Variants in PRKN observed in about 807,000 individuals in gnomAD.
The protein encoded by PRKN is parkin RBR E3 ubiquitin protein ligase, also known as E3 ubiquitin-protein ligase parkin.
PRKN carries 56 observed loss-of-function variants against 59.5 expected under a neutral mutation model. The observed-to-expected ratio is 0.94, with a 90% confidence interval of 0.76 to 1.18. The LOEUF is 1.18. Among genes scored for constraint, PRKN ranks in the 50% most tolerant of loss-of-function variants. The pLI, the probability that PRKN is intolerant of heterozygous loss-of-function variation, is 0.00. For synonymous variants in PRKN, 250 were observed against 222.1 expected (o/e 1.13, Z -1.12); for missense variants, 657 against 596.4 (o/e 1.10, Z -1.06).
rs546375564 is a variant in PRKN at position 162,407,441 on chromosome 6, GAT to G, written c.171+35867_171+35868del. ...ATGTAATATAGTAATTAAGTGTGCT[GAT>G]ATGTTATCATTGCAAATGTCAAGTT... is the stretch of plus-strand genomic sequence containing the variant. On this transcript the variant is annotated intron_variant, in intron 2 of 11. Coordinates refer to ENST00000366898, the MANE Select transcript of PRKN (RefSeq NM_004562.3). Among the ~76,000 whole-genome samples, 4 of 152,300 alleles carry G rather than the reference GAT, an allele frequency of 2.6e-5. No individual in the cohort carries two copies. The South Asian group carries it at 8.3e-4, about 32-fold the overall frequency.
Position 161,937,686 on chromosome 6 carries a change from T to C in PRKN, c.734+35616A>G, listed in dbSNP as rs1253878420. Among the ~76,000 whole-genome samples the C allele has an allele frequency of 2.0e-5, 3 of 152,366 alleles. No individual in the cohort carries two copies. The South Asian group carries it at 6.2e-4, about 32-fold the overall frequency. On this transcript the variant is annotated intron_variant, in intron 6 of 11. Transcript: ENST00000366898. ...AACTCTTTTTAGTGAAATCAGATTA[T>C]TAATCTAAGATCCAGCAGGAGAAGA...
intron 6 of PRKN, among the ~76,000 whole-genome samples, chr6:161,844,499 T>C (rs1328643602): frequency 6.6e-6 from 1 of 152,228 alleles, no homozygotes; most frequent in Non-Finnish European, 1.5e-5. Context: ...GTCGTGGCAA[T>C]GTTCTGTATC....
chr6:161,426,676 C>CACACACACACACACACATAT (rs11271613), intron 9 of PRKN, among the ~76,000 whole-genome samples: 26 of 142,678 alleles, frequency 1.8e-4, no homozygotes, highest in African/African-American at 7.1e-4. Flanking sequence ...CACACACACA[C>CACACACACACACACACATAT]CTCCTATTAG....
chr6:161,438,547 G>A (rs758208240), intron 9 of PRKN, among the ~76,000 whole-genome samples: 1 of 152,066 alleles, frequency 6.6e-6, no homozygotes, highest in Admixed American at 6.6e-5. Flanking sequence ...ACAGCATGTA[G>A]GGCAGAAGAC....
chr6:161,785,479 A>G (rs1269657853), intron 7 of PRKN, among the ~76,000 whole-genome samples: 1 of 152,222 alleles, frequency 6.6e-6, no homozygotes, highest in East Asian at 1.9e-4. Flanking sequence ...AATCTAGAAC[A>G]TGGAGAGTGA....
chr6:162,159,406 G>A (rs1782663104), intron 4 of PRKN, among the ~76,000 whole-genome samples: 1 of 152,128 alleles, frequency 6.6e-6, no homozygotes, highest in Non-Finnish European at 1.5e-5. Flanking sequence ...TCTACTTAGG[G>A]ACAAGACCTA....
intron 1 of PRKN, among the ~76,000 whole-genome samples, chr6:162,583,449 C>G (rs1232905920): frequency 1.3e-5 from 2 of 152,130 alleles, no homozygotes; most frequent in Non-Finnish European, 2.9e-5. Flanking sequence ...GATAAACAAA[C>G]AAAACTCCAC....
intron 7 of PRKN, among the ~76,000 whole-genome samples, chr6:161,780,054 G>A (rs981508943): frequency 3.3e-5 from 5 of 152,174 alleles, no homozygotes; most frequent in African/African-American, 1.2e-4. Context: ...TACATTGCGT[G>A]CCTACTGTCT....
At chr6:162,392,819 T>C (rs1787270345) in intron 2 of PRKN, among the ~76,000 whole-genome samples, 1 of 152,192 alleles carries the variant, frequency 6.6e-6, no homozygotes, top group East Asian at 1.9e-4. Flanking sequence ...TGCTCTTTAT[T>C]TCTATTACCT....
intron 5 of PRKN, among the ~76,000 whole-genome samples, chr6:161,991,617 G>A (rs1040030515): frequency 1.3e-5 from 2 of 151,712 alleles, no homozygotes; most frequent in African/African-American, 4.8e-5. Context: ...CGAGGCGGGC[G>A]GGTCACCTGA....
chr6:162,364,276 C>T (rs1404584011), intron 2 of PRKN, among the ~76,000 whole-genome samples: 7 of 152,004 alleles, frequency 4.6e-5, no homozygotes, highest in Non-Finnish European at 1.0e-4. Flanking sequence ...AAAATAATAC[C>T]CAAATAATTA....
chr6:162,339,525 GC>G, intron 2 of PRKN, among the ~76,000 whole-genome samples: 1 of 124,418 alleles, frequency 8.0e-6, no homozygotes, highest in Non-Finnish European at 1.9e-5. Context: ...GGGGGGGTCA[GC>G]CCCCCGCCCG....
At chr6:162,506,516 C>T (rs964362488) in intron 1 of PRKN, among the ~76,000 whole-genome samples, 2 of 152,012 alleles carry the variant, frequency 1.3e-5, no homozygotes, top group Non-Finnish European at 2.9e-5. Flanking sequence ...ATTAAATGTG[C>T]GATATGGAAT....
In PRKN at chr6:161,702,591, G is replaced by T. The variant is rs149538041; in HGVS notation, c.871+83181C>A. 2.6e-5 allele frequency among the ~76,000 whole-genome samples: 4 copies of T among 152,096 alleles called. No homozygotes were observed. The East Asian group carries it at 5.8e-4, about 22-fold the overall frequency. ...TCTAATGGGTACTGAGTGTCAGTCT[G>T]GGAAGATGGAAAATGTTCTAGAGAT... On this transcript the variant is annotated intron_variant, in intron 7 of 11. Transcript: ENST00000366898.
intron 2 of PRKN, among the ~76,000 whole-genome samples, chr6:162,426,905 C>T (rs1280063774): frequency 6.6e-6 from 1 of 152,170 alleles, no homozygotes; most frequent in Non-Finnish European, 1.5e-5. Flanking sequence ...CATCCAATAA[C>T]AGCATCAAAG....
At chr6:162,684,845 C>G (rs945193836) in intron 1 of PRKN, among the ~76,000 whole-genome samples, 27 of 152,186 alleles carry the variant, frequency 1.8e-4, no homozygotes, top group African/African-American at 5.3e-4. Context: ...CCAAACAGAT[C>G]TGTAAAATAT....
chr6:162,285,434 G>GT (rs1311447921), intron 2 of PRKN, among the ~76,000 whole-genome samples: 1 of 151,880 alleles, frequency 6.6e-6, no homozygotes, highest in African/African-American at 2.4e-5. Flanking sequence ...ATTGGGTGTT[G>GT]TATCAAAGAA....
At chr6:161,897,929 T>C (rs1027910399) in intron 6 of PRKN, among the ~76,000 whole-genome samples, 2 of 108,852 alleles carry the variant, frequency 1.8e-5, no homozygotes, top group South Asian at 3.2e-4. Context: ...ATCGCGCCAC[T>C]GCACTCCAGC....
chr6:162,242,499 G>A (rs980496038), intron 3 of PRKN, among the ~76,000 whole-genome samples: 1 of 152,086 alleles, frequency 6.6e-6, no homozygotes, highest in African/African-American at 2.4e-5. Context: ...ATGTACCTAA[G>A]TACATAAACC....
Sources: gnomAD v4.1 joint callset for allele counts (sites outside exome capture counted in the v4.1 genomes callset) on GRCh38, gnomAD v4.1.1 for gene constraint, MANE v1.5 for transcripts, NCBI Gene and HGNC (gene_info 2026-07-23, HGNC 2026-07-21) for gene names.